Variants in KDM1B observed in about 807,000 individuals in gnomAD.
KDM1B encodes the protein lysine demethylase 1B, also known as lysine-specific histone demethylase 2.
A neutral mutation model predicts 107.4 loss-of-function variants in KDM1B; 63 were observed. That is an observed-to-expected ratio of 0.59 (90% CI 0.48 to 0.72). The LOEUF is 0.72. KDM1B is among the 30% of genes least tolerant of loss of function. The pLI, the probability that KDM1B is intolerant of heterozygous loss-of-function variation, is 0.00. For synonymous variants in KDM1B, 363 were observed against 363.9 expected, an observed-to-expected ratio of 1.00 and a Z score of 0.03; for missense variants, 749 against 1,020.8, an observed-to-expected ratio of 0.73 and a Z score of 3.63.
In KDM1B at chr6:18,200,188, T is replaced by A. The variant is rs979833795; in HGVS notation, c.1222-251T>A. 2.0e-5 allele frequency among the ~76,000 whole-genome samples: 3 copies of A among 152,218 alleles called. No individual in the cohort carries two copies. Among genetic ancestry groups the A allele is most frequent in the African/African-American group, 7.2e-5 (3 of 41,448 alleles). On this transcript the variant is annotated intron_variant, in intron 12 of 21. Transcript: ENST00000650836. The surrounding 1 kb of genome is among the most constrained non-coding windows in gnomAD (Gnocchi z 4.3). Reference sequence around the variant, plus strand: ...CGCATCTGGCCTAGTTCATCAAATCTTAGTATCTGGTTTGAGTGATTCTTT... The same window carrying A: ...CGCATCTGGCCTAGTTCATCAAATCATAGTATCTGGTTTGAGTGATTCTTT...
rs1232477474 is a variant in KDM1B, at chr6:18,205,178, T to G, written c.1532-359T>G. The stretch of plus-strand genomic sequence containing the variant: ...GAATGGTAACTTCTGTGTGTGTGCA[T>G]GTACATCTATGTGTGGGGACAGTTT... On this transcript the variant is annotated intron_variant, in intron 14 of 21. Coordinates refer to ENST00000650836, the MANE Select transcript of KDM1B (RefSeq NM_001364614.2). The surrounding 1 kb of genome is among the most constrained non-coding windows in gnomAD (Gnocchi z 5.7). Among the ~76,000 whole-genome samples the G allele has an allele frequency of 6.6e-6, 1 of 152,166 alleles. No individual in the cohort carries two copies. The highest frequency in any genetic ancestry group is 1.5e-5 in the Non-Finnish European group (1 of 68,026).
At chr6:18,185,575 A>G (rs769344133) in intron 7 of KDM1B, among the ~76,000 whole-genome samples, 197 bp from the exon 8 acceptor site, 24 of 151,750 alleles carry the variant, frequency 1.6e-4, no homozygotes, top group Admixed American at 4.6e-4. Flanking sequence ...CTGCTGCTCA[A>G]CCTCCCGAAG....
intron 7 of KDM1B, among the ~76,000 whole-genome samples, chr6:18,173,807 A>T (rs1189636854): frequency 6.6e-6 from 1 of 152,032 alleles, no homozygotes; most frequent in Non-Finnish European, 1.5e-5. Context: ...TTTATTTTAG[A>T]TGGAGTCTTG....
intron 6 of KDM1B, among the ~76,000 whole-genome samples, chr6:18,169,028 C>A (rs1422010318): frequency 6.6e-6 from 1 of 151,734 alleles, no homozygotes; most frequent in African/African-American, 2.4e-5. Context: ...TGTGCCACCA[C>A]CCTGGGCTAA....
In KDM1B at chr6:18,161,356, T is replaced by A. The variant is rs185273234; in HGVS notation, c.117T>A (p.Asp39Glu). 342 of 1,613,886 alleles carry A rather than the reference T, an allele frequency of 2.1e-4. 4 individuals are homozygous for A. The Admixed American group carries it at 3.5e-3, about 16-fold the overall frequency. ...QAKKKATETT[D>E]EDEDGGSEKK... Reference sequence around the variant, plus strand: ...AGAAGAAAGCAACAGAGACAACAGATGAGGATGAAGATGGTGGCTCAGAGA... The same window carrying A: ...AGAAGAAAGCAACAGAGACAACAGAAGAGGATGAAGATGGTGGCTCAGAGA... The change falls in exon 4 of 22, where the codon GAT (aspartate) becomes GAA (glutamate). Residue 39 changes from aspartate to glutamate, a missense_variant. By Grantham distance (45) the Asp-to-Glu change is conservative. Transcript: ENST00000650836.
intron 20 of KDM1B, among the ~76,000 whole-genome samples, chr6:18,215,339 G>A (rs770878778): frequency 6.6e-5 from 10 of 152,236 alleles, no homozygotes; most frequent in Admixed American, 2.0e-4. Flanking sequence ...GGCTGCCTTA[G>A]ACAACAGAAA....
Position 18,186,089 on chromosome 6 carries a change from G to C in KDM1B, c.573+279G>C, listed in dbSNP as rs373638868. Among the ~76,000 whole-genome samples the C allele has an allele frequency of 2.4e-4, 36 of 152,276 alleles. No homozygotes were observed. Among genetic ancestry groups the C allele is most frequent in the African/African-American group, 7.7e-4 (32 of 41,562 alleles). ...CTCTCCTGCCTTGCTCTAGGGCTCA[G>C]GCTTGCTGTACTTGTTTTTCAAGGA... On this transcript the variant is annotated intron_variant, in intron 8 of 21. Coordinates refer to ENST00000650836, the MANE Select transcript of KDM1B (RefSeq NM_001364614.2). This position sits in a 1 kb window ranked among gnomAD's most constrained non-coding sequence, Gnocchi z 5.6.
intron 9 of KDM1B, among the ~76,000 whole-genome samples, chr6:18,190,056 A>G (rs1582147938): frequency 6.6e-6 from 1 of 152,226 alleles, no homozygotes; most frequent in East Asian, 1.9e-4. Context: ...AGGGTGAGGA[A>G]GGAGAATCAC....
intron 21 of KDM1B, among the ~76,000 whole-genome samples, chr6:18,219,299 G>C (rs1273356709): frequency 6.6e-6 from 1 of 152,154 alleles, no homozygotes; most frequent in African/African-American, 2.4e-5. Flanking sequence ...TTGCTATTCT[G>C]ATTTCTGATC....
Position 18,206,011 on chromosome 6 carries a change from A to ATG in KDM1B, c.1659+359_1659+360dup, listed in dbSNP as rs374898955. On this transcript the variant is annotated intron_variant, in intron 15 of 21. Transcript: ENST00000650836. ...ATAAATAAAATACTTGTTTTTGTGT[A>ATG]TGTGTGTGTGTGTTTTGTGTGTCTA... Among the ~76,000 whole-genome samples, 11 of 151,804 alleles carry ATG rather than the reference A, an allele frequency of 7.2e-5. No homozygotes were observed. The South Asian group carries it at 1.0e-3, about 14-fold the overall frequency.
At position 18,183,036 on chromosome 6, in the gene KDM1B, GA is replaced by G. The variant is rs1252408332; in HGVS notation, c.535-2735del. On this transcript the variant is annotated intron_variant, in intron 7 of 21. Coordinates refer to ENST00000650836, the MANE Select transcript of KDM1B (RefSeq NM_001364614.2). ...AATGAAATTTCTGTATCAAAGGGTA[GA>G]TGCTATTGTTTTAATGTGAAATAAG... Among the ~76,000 whole-genome samples the G allele has an allele frequency of 3.3e-5, 5 of 152,234 alleles. No individual in the cohort carries two copies. In the East Asian group the frequency reaches 9.7e-4, roughly 29 times the overall value.
In KDM1B at chr6:18,172,167, AGGAATC is replaced by A. The variant is rs1785704336; in HGVS notation, c.534+691_534+696del. On this transcript the variant is annotated intron_variant, in intron 7 of 21. Coordinates refer to ENST00000650836, the MANE Select transcript of KDM1B (RefSeq NM_001364614.2). This position sits in a 1 kb window ranked among gnomAD's most constrained non-coding sequence, Gnocchi z 5.2. The stretch of plus-strand genomic sequence containing the variant: ...AGATTAATTGATATGCTTGGCAATT[AGGAATC>A]GGCCATCGTTGTTATAATGTGCCTT... Among the ~76,000 whole-genome samples the A allele has an allele frequency of 6.6e-6, 1 of 152,236 alleles. No homozygotes were observed. The highest frequency in any genetic ancestry group is 2.4e-5 in the African/African-American group (1 of 41,462).
intron 7 of KDM1B, among the ~76,000 whole-genome samples, chr6:18,182,340 T>G (rs529161459): frequency 2.6e-5 from 4 of 152,272 alleles, no homozygotes; most frequent in South Asian, 4.1e-4. Context: ...ATTATATATA[T>G]TGACCCTGAG....
At chr6:18,160,015 T>C in intron 3 of KDM1B, 33 bp downstream of exon 3, 1 of 1,402,288 alleles carries the variant, frequency 7.1e-7, no homozygotes, top group South Asian at 1.2e-5. Flanking sequence ...ACAAGCCTTT[T>C]TTGAGCATGC....
chr6:18,167,637 C>G (rs931974443), intron 6 of KDM1B, among the ~76,000 whole-genome samples: 2 of 151,550 alleles, frequency 1.3e-5, no homozygotes, highest in Non-Finnish European at 2.9e-5. Context: ...CCACGCCCAG[C>G]TGACTTTTGT....
chr6:18,191,684 C>T lies in KDM1B; in HGVS notation c.969+303C>T, dbSNP rs1401145612. ...CCTTGTTGAAAACCACCACTTTAGA[C>T]CACACATAGTCAGAATGCTGACTCT... On this transcript the variant is annotated intron_variant, in intron 10 of 21. Coordinates refer to ENST00000650836, the MANE Select transcript of KDM1B (RefSeq NM_001364614.2). The surrounding 1 kb of genome is among the most constrained non-coding windows in gnomAD (Gnocchi z 5.1). 6.6e-6 allele frequency among the ~76,000 whole-genome samples: 1 copy of T among 152,136 alleles called. No homozygotes were observed. Among genetic ancestry groups the T allele is most frequent in the African/African-American group, 2.4e-5 (1 of 41,412 alleles).
At chr6:18,157,808 CTTTTTTTTTT>C (rs67631382) in intron 2 of KDM1B, among the ~76,000 whole-genome samples, 3 of 115,624 alleles carry the variant, frequency 2.6e-5, no homozygotes, top group Non-Finnish European at 5.1e-5. Flanking sequence ...GTAGATAGTC[CTTTTTTTTTT>C]TTTTTTTTTT....
chr6:18,164,847 T>C (rs747774855), intron 5 of KDM1B, among the ~76,000 whole-genome samples: 4 of 152,096 alleles, frequency 2.6e-5, no homozygotes, highest in Non-Finnish European at 5.9e-5. Context: ...GGTTTCCCCA[T>C]GTTGGCCAGG....
At chr6:18,179,015 T>C (rs1385432558) in intron 7 of KDM1B, among the ~76,000 whole-genome samples, 1 of 152,230 alleles carries the variant, frequency 6.6e-6, no homozygotes, top group Non-Finnish European at 1.5e-5. Flanking sequence ...ATGTGTTCAG[T>C]ATCGTCATAT....
Sources: gnomAD v4.1 joint callset for allele counts (sites outside exome capture counted in the v4.1 genomes callset) on GRCh38, gnomAD v4.1.1 for gene constraint, Gnocchi (gnomAD v3.1) non-coding constraint, MANE v1.5 for transcripts, NCBI Gene and HGNC (gene_info 2026-07-23, HGNC 2026-07-21) for gene names.